MARVELD2: variants seen among roughly 807,000 people sequenced by gnomAD.
The protein encoded by MARVELD2 is MARVEL domain containing 2, also known as MARVEL domain-containing protein 2.
In MARVELD2, 49 loss-of-function variants were observed where a neutral mutation model predicts 57.6. The observed-to-expected ratio is 0.85, with a 90% CI of 0.68 to 1.08. MARVELD2 has a LOEUF of 1.08. MARVELD2 is among the 50% of genes least tolerant of loss of function. The pLI is 0.00. For missense variants in MARVELD2, 606 were observed against 701.1 expected (o/e 0.86, Z 1.53); for synonymous variants, 238 against 258.8 (o/e 0.92, Z 0.77).
intron 1 of MARVELD2, among the ~76,000 whole-genome samples, chr5:69,417,006 C>A (rs1766450309): frequency 6.6e-6 from 1 of 152,214 alleles, no homozygotes; most frequent in Non-Finnish European, 1.5e-5. Flanking sequence ...CTACATGATT[C>A]AGATGGCCTC....
intron 1 of MARVELD2, chr5:69,415,824 G>T (rs1353117094): frequency 6.6e-6 from 1 of 152,312 alleles, no homozygotes; most frequent in East Asian, 1.9e-4. Context: ...GGCTTTCCAA[G>T]ATGAGTGTCC....
At chr5:69,437,725 C>G (rs961963265) in intron 5 of MARVELD2, among the ~76,000 whole-genome samples, 5 of 151,704 alleles carry the variant, frequency 3.3e-5, no homozygotes, top group African/African-American at 9.7e-5. Context: ...GACCTGTAAT[C>G]TTTGAGCCAA....
chr5:69,439,974 C>T (rs113982377), intron 5 of MARVELD2, among the ~76,000 whole-genome samples: 48 of 152,184 alleles, frequency 3.2e-4, no homozygotes, highest in African/African-American at 1.1e-3. Context: ...TCAAAAGTTG[C>T]ATACTCTCAA....
At chr5:69,421,879 G>A (rs1268339358) in intron 2 of MARVELD2, among the ~76,000 whole-genome samples, 1 of 150,770 alleles carries the variant, frequency 6.6e-6, no homozygotes, top group East Asian at 2.0e-4. Flanking sequence ...ACCCCAAACA[G>A]AGGGACCAGC....
At position 69,432,600 on chromosome 5, in the gene MARVELD2, T is replaced by C; in HGVS notation, c.1256T>C (p.Met419Thr). ...VNFKELRTAK[M>T]KPELLSGHIP... ...TTCAAGGAACTGAGAACAGCAAAAA[T>C]GAAACCTGAACTACTGAGTGGACAC... The change falls in exon 4 of 7, where the codon ATG (methionine) becomes ACG (threonine). Residue 419 changes from methionine (M) to threonine (T), a missense_variant. Coordinates refer to ENST00000325631, the MANE Select transcript of MARVELD2 (RefSeq NM_001038603.3). 1.2e-6 allele frequency: 2 copies of C among 1,614,086 alleles called. No individual in the cohort carries two copies. Among genetic ancestry groups the C allele is most frequent in the Non-Finnish European group, 1.7e-6 (2 of 1,180,012 alleles).
At chr5:69,438,746 C>T (rs1382582493) in intron 5 of MARVELD2, among the ~76,000 whole-genome samples, 3 of 151,818 alleles carry the variant, frequency 2.0e-5, no homozygotes, top group Admixed American at 1.3e-4. Context: ...ATTAGCTGGG[C>T]GTAGTGGCAG....
rs1767389632 is a variant in MARVELD2 at position 69,443,682 on chromosome 5, C to T, written c.*2028C>T. ...ATTCCCAGGTGTAGCATTACAGCTT[C>T]TGACTAATATAGCTGCCATTCAGAC... On this transcript the variant is annotated 3_prime_UTR_variant, in exon 7 of 7. Transcript: ENST00000325631. The T allele has an allele frequency of 6.6e-6, 1 of 152,060 alleles. No individual in the cohort carries two copies. The highest frequency in any genetic ancestry group is 2.1e-4 in the South Asian group (1 of 4,822). 9.4% of individuals were successfully genotyped at this position (152,060 alleles called of 1,614,324 possible). A position where few individuals can be genotyped will look rare whatever the true frequency, so the allele number is the denominator to read the frequency against.
intron 1 of MARVELD2, among the ~76,000 whole-genome samples, chr5:69,417,481 GAATTT>G (rs1766465428): frequency 6.6e-6 from 1 of 152,100 alleles, no homozygotes; most frequent in East Asian, 1.9e-4. Context: ...AAAGCCTTAG[GAATTT>G]CCAAATTGTT....
At position 69,420,176 on chromosome 5, in the gene MARVELD2, G is replaced by C. The variant is rs77877237; in HGVS notation, c.791G>C (p.Trp264Ser). 6.2e-7 allele frequency: 1 copy of C among 1,614,122 alleles called. No individual in the cohort carries two copies. Among genetic ancestry groups the C allele is most frequent in the East Asian group, 2.2e-5 (1 of 44,880 alleles). Residue 264 changes from tryptophan to serine, a missense_variant, in exon 2 of 7, where the codon TGG becomes TCG. Transcript: ENST00000325631. The part of the protein sequence containing the change: ...PFVLVVAGLA[W>S]ITTIIILVLG... ...GTACTCGTGGTTGCTGGATTAGCTT[G>C]GATCACCACCATTATTATTCTGGTT... is the stretch of plus-strand genomic sequence containing the variant.
At chr5:69,419,175 C>T in intron 1 of MARVELD2, 196 bp from the exon 2 acceptor site, 1 of 638,890 alleles carries the variant, frequency 1.6e-6, no homozygotes, top group South Asian at 1.8e-5. Context: ...ATCCGTCTGT[C>T]TTGGCCTCCC....
chr5:69,429,303 T>C (rs2561159), intron 3 of MARVELD2, among the ~76,000 whole-genome samples: 72,482 of 152,008 alleles, frequency 0.48, 17,433 homozygotes, highest in South Asian at 0.53. Context: ...AATGAGCTAA[T>C]ATTAAACCAA....
At position 69,432,686 on chromosome 5, in the gene MARVELD2, G is replaced by A. The variant is rs1352557370; in HGVS notation, c.1331+11G>A. ...GCCCGACTATGTGGCGTGAGTGTCA[G>A]TCTGAATTCTTCCTCAAGGTAGAAG... On this transcript the variant is annotated intron_variant, in intron 4 of 6. Transcript: ENST00000325631. 13 of 1,613,982 alleles carry A rather than the reference G, an allele frequency of 8.1e-6. No individual in the cohort carries two copies. The highest frequency in any genetic ancestry group is 1.1e-5 in the Non-Finnish European group (13 of 1,179,894).
chr5:69,424,499 C>G (rs1766723698), intron 2 of MARVELD2, 102 bp from the exon 3 acceptor site: 3 of 940,966 alleles, frequency 3.2e-6, no homozygotes, highest in Non-Finnish European at 5.2e-6. Flanking sequence ...AGAGGATCAA[C>G]CTCTTAAAAT....
At chr5:69,440,402 G>A (rs754704748) in intron 5 of MARVELD2, 48 bp from the exon 6 acceptor site, 2 of 931,070 alleles carry the variant, frequency 2.1e-6, no homozygotes, top group Non-Finnish European at 3.5e-6. Context: ...GATATGATTT[G>A]AGTAAATGCA....
intron 5 of MARVELD2, among the ~76,000 whole-genome samples, chr5:69,437,167 C>T (rs1254950434): frequency 8.6e-5 from 12 of 139,378 alleles, no homozygotes; most frequent in African/African-American, 2.7e-4. Context: ...CCAGCCTGGG[C>T]GACAGAGCAA....
intron 5 of MARVELD2, among the ~76,000 whole-genome samples, chr5:69,437,785 C>T (rs1346830354): frequency 6.6e-6 from 1 of 152,080 alleles, no homozygotes; most frequent in Non-Finnish European, 1.5e-5. Flanking sequence ...ACAAGGGCTG[C>T]AGCACATGGT....
chr5:69,433,082 G>T lies in MARVELD2; in HGVS notation c.1492G>T (p.Glu498Ter). ...GATGAGCAGATTGCCACATCATTCGGAAAGCCGACAGGTTAGTATGTGCAG... is the reference window on the plus strand; with the variant it reads ...GATGAGCAGATTGCCACATCATTCGTAAAGCCGACAGGTTAGTATGTGCAG... Reference protein sequence around the residue: ...AVMSRLPHHSESRQEHERISR... With the variant: ...AVMSRLPHHS The change falls in exon 5 of 7, where the codon GAA becomes TAA. Residue 498 changes from glutamate to a stop codon, truncating the protein, a stop_gained. Transcript: ENST00000325631. LOFTEE classifies it high-confidence loss of function. The T allele has an allele frequency of 6.2e-7, 1 of 1,612,948 alleles. No individual in the cohort carries two copies.
chr5:69,432,272 A>G (rs1056652261), intron 3 of MARVELD2, among the ~76,000 whole-genome samples: 4 of 152,052 alleles, frequency 2.6e-5, no homozygotes, highest in Admixed American at 6.6e-5. Context: ...CGGTTTCCCA[A>G]AGTGCTGGGA....
intron 3 of MARVELD2, among the ~76,000 whole-genome samples, chr5:69,429,179 G>A (rs1242347514): frequency 6.6e-6 from 1 of 152,070 alleles, no homozygotes; most frequent in Non-Finnish European, 1.5e-5. Context: ...TAGAGCCATG[G>A]TTGGAGAGCT....
Sources: gnomAD v4.1 joint callset for allele counts (sites outside exome capture counted in the v4.1 genomes callset) on GRCh38, gnomAD v4.1.1 for gene constraint, MANE v1.5 for transcripts, NCBI Gene and HGNC (gene_info 2026-07-23, HGNC 2026-07-21) for gene names.